Variants in UBAP2 observed in about 807,000 individuals in gnomAD.
UBAP2 encodes ubiquitin associated protein 2.
Under a neutral mutation model 139.6 loss-of-function variants are expected in UBAP2, and 75 were observed. The ratio of observed to expected loss-of-function variants is 0.54; its 90% CI spans 0.45 to 0.65. UBAP2 has a LOEUF of 0.65. Among genes scored for constraint, UBAP2 ranks in the 30% least tolerant of loss-of-function variants. The pLI is 0.00. For synonymous variants in UBAP2, 526 were observed against 526.2 expected (o/e 1.00, Z 0.01); for missense variants, 1,368 against 1,369.6 (o/e 1.00, Z 0.02).
chr9:33,978,596 C>T, intron 6 of UBAP2, among the ~76,000 whole-genome samples: 1 of 151,936 alleles, frequency 6.6e-6, no homozygotes, highest in Non-Finnish European at 1.5e-5. Context: ...CTGGCTAACA[C>T]AGTGAAACCC....
At chr9:34,001,499 A>G (rs1233975847) in intron 2 of UBAP2, among the ~76,000 whole-genome samples, 1 of 152,214 alleles carries the variant, frequency 6.6e-6, no homozygotes, top group Non-Finnish European at 1.5e-5. Flanking sequence ...GCTAGTAGGT[A>G]AAACTGGATT....
Position 33,933,486 on chromosome 9 carries a change from A to G in UBAP2, c.2108+4T>C. 1 of 1,613,548 alleles carries G rather than the reference A, an allele frequency of 6.2e-7. No homozygotes were observed. The highest frequency in any genetic ancestry group is 8.5e-7 in the Non-Finnish European group (1 of 1,179,852). On this transcript the variant is annotated splice_donor_region_variant and intron_variant, in intron 18 of 28. Coordinates refer to ENST00000379238, the MANE Select transcript of UBAP2 (RefSeq NM_001370062.2). ...CTCACTTTGGGCCCACACCTTCCCC[A>G]TACCTGCTAAGCTGAGAGAGAGGGC...
intron 17 of UBAP2, chr9:33,933,916 C>T (rs1461701586): frequency 3.4e-6 from 1 of 296,394 alleles, no homozygotes; most frequent in Non-Finnish European, 6.6e-6. Context: ...ACTTTTCACA[C>T]CTAAAGGAAC....
chr9:33,997,730 C>A (rs1446513848), intron 3 of UBAP2: 1 of 152,208 alleles, frequency 6.6e-6, no homozygotes, highest in Non-Finnish European at 1.5e-5. Flanking sequence ...GAACTTAAAT[C>A]TCTGAACTCC....
chr9:33,960,895 G>A lies in UBAP2; in HGVS notation c.746-17C>T. ...TCCAAGCCCCTGTTGGGAAACAACA[G>A]CAATCAAAGTTTATACCACAAAGTC... On this transcript the variant is annotated splice_polypyrimidine_tract_variant and intron_variant, in intron 9 of 28. Transcript: ENST00000379238. 1 of 1,613,378 alleles carries A rather than the reference G, an allele frequency of 6.2e-7. No individual in the cohort carries two copies. The highest frequency in any genetic ancestry group is 8.5e-7 in the Non-Finnish European group (1 of 1,179,542).
intron 13 of UBAP2, among the ~76,000 whole-genome samples, chr9:33,946,107 C>T (rs1367903525): frequency 1.3e-5 from 2 of 152,172 alleles, no homozygotes; most frequent in Non-Finnish European, 2.9e-5. Context: ...AAAATACAAA[C>T]TAAAATGATA....
chr9:34,046,920 G>C (rs1242988398), intron 1 of UBAP2, among the ~76,000 whole-genome samples: 1 of 152,126 alleles, frequency 6.6e-6, no homozygotes, highest in Non-Finnish European at 1.5e-5. Flanking sequence ...TAGTAACCAG[G>C]AAAGGGAAGC....
chr9:34,045,951 C>A (rs1268865299), intron 1 of UBAP2, among the ~76,000 whole-genome samples: 1 of 152,108 alleles, frequency 6.6e-6, no homozygotes, highest in Non-Finnish European at 1.5e-5. Context: ...TTGGAAAAAA[C>A]GGCTGCTTCT....
At chr9:34,021,227 A>G (rs1824914092) in intron 1 of UBAP2, among the ~76,000 whole-genome samples, 1 of 152,180 alleles carries the variant, frequency 6.6e-6, no homozygotes, top group African/African-American at 2.4e-5. Context: ...TAGCTGCACT[A>G]ATATTAACTT....
chr9:34,014,011 A>C (rs981108424), intron 2 of UBAP2, among the ~76,000 whole-genome samples: 2 of 152,098 alleles, frequency 1.3e-5, no homozygotes, highest in Admixed American at 1.3e-4. Context: ...CCTAATGCAT[A>C]CTAGTGTTTA....
chr9:33,999,086 C>T (rs571561534), intron 2 of UBAP2, among the ~76,000 whole-genome samples: 1 of 152,212 alleles, frequency 6.6e-6, no homozygotes, highest in Admixed American at 6.5e-5. Context: ...GACCAAACGA[C>T]CTAAAGCTAT....
At chr9:33,997,774 A>C (rs1376683811) in intron 3 of UBAP2, 2 of 152,220 alleles carry the variant, frequency 1.3e-5, no homozygotes, top group African/African-American at 4.8e-5. Context: ...ATTCAGATAA[A>C]AGGCAATGTA....
intron 2 of UBAP2, among the ~76,000 whole-genome samples, chr9:34,013,348 A>C (rs1042209796): frequency 1.3e-5 from 2 of 151,432 alleles, no homozygotes; most frequent in African/African-American, 4.9e-5. Flanking sequence ...TCAGGAATTC[A>C]AGACCAGCCT....
At chr9:34,024,966 A>T (rs949429572) in intron 1 of UBAP2, among the ~76,000 whole-genome samples, 11 of 152,098 alleles carry the variant, frequency 7.2e-5, no homozygotes, top group African/African-American at 2.7e-4. Context: ...TCGGGGCGAC[A>T]GAACAAGACT....
chr9:34,048,133 C>G (rs1827772244), intron 1 of UBAP2, among the ~76,000 whole-genome samples: 1 of 152,174 alleles, frequency 6.6e-6, no homozygotes, highest in African/African-American at 2.4e-5. Flanking sequence ...AGGCAAACAA[C>G]TGAGTTGTAA....
intron 19 of UBAP2, chr9:33,928,588 C>CTT (rs1326377357): frequency 6.6e-6 from 1 of 152,358 alleles, no homozygotes; most frequent in Non-Finnish European, 1.5e-5. Context: ...TGGCCTGCCA[C>CTT]TTATGCCTGT....
chr9:33,953,144 C>T, intron 12 of UBAP2, 141 bp downstream of exon 12: 1 of 804,262 alleles, frequency 1.2e-6, no homozygotes, highest in Non-Finnish European at 1.8e-6. Flanking sequence ...GCTGGGATTA[C>T]AGGCATGAGC....
chr9:33,972,293 A>G (rs1827975086), intron 7 of UBAP2, among the ~76,000 whole-genome samples: 1 of 152,242 alleles, frequency 6.6e-6, no homozygotes, highest in African/African-American at 2.4e-5. Context: ...ATGAGCCAAA[A>G]CAAATATTAC....
chr9:33,954,373 G>T (rs1826374327), intron 11 of UBAP2, among the ~76,000 whole-genome samples: 1 of 150,470 alleles, frequency 6.6e-6, no homozygotes, highest in Admixed American at 6.6e-5. Flanking sequence ...CTGTTAACCA[G>T]AACTCTTAAA....
Sources: allele counts gnomAD v4.1 joint callset (sites outside exome capture counted in the v4.1 genomes callset), GRCh38; gene constraint gnomAD v4.1.1; transcripts MANE v1.5; gene names NCBI Gene and HGNC (gene_info 2026-07-23, HGNC 2026-07-21).